The following ITSN1 variants were observed in gnomAD, a reference collection of about 807,000 sequenced individuals.
ITSN1 encodes the protein intersectin-1.
A neutral mutation model predicts 239.8 loss-of-function variants in ITSN1; 58 were observed. The ratio of observed to expected loss-of-function variants is 0.24; its 90% confidence interval spans 0.20 to 0.30. The LOEUF (loss-of-function observed/expected upper bound fraction) is 0.30. Ranked by LOEUF, ITSN1 falls within the 10% of genes least tolerant of loss-of-function variation. ITSN1 has a pLI of 1.00. For missense variants in ITSN1, 1,558 were observed against 2,103.3 expected, an observed-to-expected ratio of 0.74 and a Z score of 5.07; for synonymous variants, 780 against 770.8, an observed-to-expected ratio of 1.01 and a Z score of -0.20.
Position 33,885,107 on chromosome 21 carries a change from C to A in ITSN1, c.4743C>A (p.Arg1581=). The change falls in exon 37 of 40, where the codon CGC becomes CGA. Residue 1581 remains arginine, a synonymous_variant. Coordinates refer to ENST00000381318, the MANE Select transcript of ITSN1 (RefSeq NM_003024.3). ...ACATAGAGACTGAGAAAAAGAAGCG[C>A]GAGAAAGCGTACCTGGGTAATGCAT... ...ELYIETEKKK[R]EKAYLVRSQR... 6.2e-7 allele frequency: 1 copy of A among 1,613,894 alleles called. No homozygotes were observed. The highest frequency in any genetic ancestry group is 8.5e-7 in the Non-Finnish European group (1 of 1,179,860).
chr21:33,654,962 T>C (rs1043471418), intron 1 of ITSN1, among the ~76,000 whole-genome samples: 1 of 152,188 alleles, frequency 6.6e-6, no homozygotes, highest in Non-Finnish European at 1.5e-5. Context: ...TACTGTGAAC[T>C]AAACATTCTT....
rs983780097 is a variant in ITSN1, at chr21:33,785,901, A to G, written c.1824+3768A>G. On this transcript the variant is annotated intron_variant, in intron 16 of 39. Transcript: ENST00000381318. ...GATCCTAAGATGTAAATATCTTTCTATTTACCACCCAAACCAATAATTACT... is the reference window on the plus strand; with the variant it reads ...GATCCTAAGATGTAAATATCTTTCTGTTTACCACCCAAACCAATAATTACT... 3.9e-5 allele frequency among the ~76,000 whole-genome samples: 6 copies of G among 152,320 alleles called. 1 individual carries two copies. Among genetic ancestry groups the G allele is most frequent in the Non-Finnish European group, 5.9e-5 (4 of 68,030 alleles).
At chr21:33,810,799 T>C in intron 20 of ITSN1, 176 bp from the exon 21 acceptor site, 2 of 803,838 alleles carry the variant, frequency 2.5e-6, no homozygotes, top group Non-Finnish European at 4.4e-6. Context: ...TAGTGCATTT[T>C]TTTTTTCAGC....
intron 31 of ITSN1, among the ~76,000 whole-genome samples, chr21:33,860,315 GAAAAAAA>G (rs537916792): frequency 5.7e-5 from 4 of 70,306 alleles, no homozygotes; most frequent in Admixed American, 1.6e-4. Context: ...CTCAAAAAAA[GAAAAAAA>G]AAAAAAAAAA....
intron 1 of ITSN1, among the ~76,000 whole-genome samples, chr21:33,704,913 C>G (rs1158772126): frequency 7.8e-6 from 1 of 128,582 alleles, no homozygotes; most frequent in African/African-American, 3.2e-5. Context: ...ATGGAGAAAC[C>G]CATCTCTACT....
chr21:33,815,887 CAAAG>C (rs71322246), intron 22 of ITSN1, among the ~76,000 whole-genome samples: 72,574 of 151,370 alleles, frequency 0.48, 18,836 homozygotes, highest in East Asian at 0.7. Context: ...AGGGATCCGA[CAAAG>C]AAGAATGAAG....
intron 27 of ITSN1, among the ~76,000 whole-genome samples, 177 bp downstream of exon 27, chr21:33,829,922 C>T (rs1350171423): frequency 3.9e-5 from 6 of 152,124 alleles, no homozygotes; most frequent in South Asian, 2.1e-4. Context: ...TTCAGACAGC[C>T]GGTAACAGAT....
At chr21:33,674,069 G>C (rs2090456313) in intron 1 of ITSN1, among the ~76,000 whole-genome samples, 1 of 152,160 alleles carries the variant, frequency 6.6e-6, no homozygotes, top group African/African-American at 2.4e-5. Context: ...TTTGACATAT[G>C]TAATTAAATG....
chr21:33,728,390 G>A (rs2065958352), intron 4 of ITSN1, among the ~76,000 whole-genome samples: 1 of 151,988 alleles, frequency 6.6e-6, no homozygotes, highest in Admixed American at 6.5e-5. Context: ...GCGCCACTAT[G>A]CCCAGCTAAT....
chr21:33,747,241 CAG>C (rs1288862647), intron 5 of ITSN1, among the ~76,000 whole-genome samples: 3 of 151,860 alleles, frequency 2.0e-5, no homozygotes, highest in African/African-American at 7.3e-5. Context: ...TAGCAGAAGA[CAG>C]AGTCAGTGAA....
At position 33,819,930 on chromosome 21, in the gene ITSN1, C is replaced by T. The variant is rs192064791; in HGVS notation, c.3016+607C>T. Among the ~76,000 whole-genome samples, 38 of 152,080 alleles carry T rather than the reference C, an allele frequency of 2.5e-4. 3 individuals are homozygous for T. The East Asian group carries it at 7.0e-3, about 28-fold the overall frequency. On this transcript the variant is annotated intron_variant, in intron 24 of 39. Transcript: ENST00000381318. ...CCGGGAAGCGGAGCTTGCAGTGAGCCGAGATTGCGCCACTGCAGTCCGCAG... is the reference window on the plus strand; with the variant it reads ...CCGGGAAGCGGAGCTTGCAGTGAGCTGAGATTGCGCCACTGCAGTCCGCAG...
At chr21:33,742,111 C>T (rs1426234210) in intron 5 of ITSN1, among the ~76,000 whole-genome samples, 1 of 147,962 alleles carries the variant, frequency 6.8e-6, no homozygotes, top group Non-Finnish European at 1.5e-5. Context: ...GGCTGGAGTG[C>T]AGTGGCACCT....
At chr21:33,836,923 T>G (rs970447189) in intron 29 of ITSN1, 9 of 1,435,626 alleles carry the variant, frequency 6.3e-6, no homozygotes, top group Non-Finnish European at 8.8e-6. Flanking sequence ...CTGACTCATT[T>G]TCCTAGCTTG....
intron 1 of ITSN1, among the ~76,000 whole-genome samples, chr21:33,687,674 A>G (rs1048630593): frequency 2.6e-5 from 4 of 152,220 alleles, no homozygotes; most frequent in Non-Finnish European, 4.4e-5. Flanking sequence ...TCAGGACAGC[A>G]TTCCAAATAC....
chr21:33,645,075 C>T (rs1217286968), intron 1 of ITSN1, among the ~76,000 whole-genome samples: 1 of 152,164 alleles, frequency 6.6e-6, no homozygotes, highest in East Asian at 1.9e-4. Context: ...CCCACCTAGG[C>T]AGCCTCCCAA....
At chr21:33,830,301 A>T (rs191410000) in intron 27 of ITSN1, among the ~76,000 whole-genome samples, 26 of 152,336 alleles carry the variant, frequency 1.7e-4, no homozygotes, top group African/African-American at 6.3e-4. Flanking sequence ...TTCTCATGGT[A>T]AAACTTCTTA....
At chr21:33,813,886 TTCA>T (rs2073091627) in intron 21 of ITSN1, 24 bp from the exon 22 acceptor site, 5 of 1,610,064 alleles carry the variant, frequency 3.1e-6, no homozygotes, top group Non-Finnish European at 3.4e-6. Context: ...GTGCTTGTTA[TTCA>T]TGGTGTTGTG....
At position 33,858,785 on chromosome 21, in the gene ITSN1, C is replaced by A; in HGVS notation, c.3883C>A (p.Leu1295Ile). The change falls in exon 31 of 40, where the codon CTA (leucine) becomes ATA (isoleucine). Residue 1295 changes from leucine to isoleucine, a missense_variant. By Grantham distance (5) the Leu-to-Ile change is conservative. Around this residue, in one of 2 missense-constraint regions of ITSN1, gnomAD observed 576 missense variants for 893.3 expected, o/e 0.64. Transcript: ENST00000381318. ...WKELIMCNIK[L>I]LKALRVRKKM... ...GGAGCTGATTATGTGTAATATCAAA[C>A]TACTAAAGTAAGCCTCTCCTCTAAT... The A allele has an allele frequency of 6.2e-7, 1 of 1,602,786 alleles. No homozygotes were observed. The highest frequency in any genetic ancestry group is 8.5e-7 in the Non-Finnish European group (1 of 1,170,102).
intron 16 of ITSN1, among the ~76,000 whole-genome samples, chr21:33,784,575 A>G (rs1442396516): frequency 2.6e-5 from 4 of 152,184 alleles, no homozygotes; most frequent in Non-Finnish European, 4.4e-5. Flanking sequence ...TTTAACACGC[A>G]TTTGGAGGAC....
Sources: allele counts gnomAD v4.1 joint callset (sites outside exome capture counted in the v4.1 genomes callset), GRCh38; gene constraint gnomAD v4.1.1; regional missense constraint gnomAD v4.1.1; transcripts MANE v1.5; gene names NCBI Gene and HGNC (gene_info 2026-07-23, HGNC 2026-07-21).